Variants in LARGE1 observed in about 807,000 individuals in gnomAD.
The protein encoded by LARGE1 is xylosyl- and glucuronyltransferase LARGE1.
Under a neutral mutation model 87.6 loss-of-function variants are expected in LARGE1, and 43 were observed. That is an observed-to-expected ratio of 0.49 (90% CI 0.38 to 0.63). LARGE1 has a LOEUF of 0.63. LARGE1 is among the 30% of genes least tolerant of loss of function. The probability of loss-of-function intolerance (pLI) is 0.00; values close to 1 mark genes in which losing one functional copy is unlikely to be tolerated. For synonymous variants in LARGE1, 434 were observed against 394.6 expected, an observed-to-expected ratio of 1.10 and a Z score of -1.18; for missense variants, 802 against 1,000.2, an observed-to-expected ratio of 0.80 and a Z score of 2.67.
intron 11 of LARGE1, among the ~76,000 whole-genome samples, chr22:33,230,170 C>T (rs1450262346): frequency 6.6e-6 from 1 of 151,866 alleles, no homozygotes. Flanking sequence ...CACCACCACG[C>T]CCAGCTAATT....
intron 5 of LARGE1, among the ~76,000 whole-genome samples, chr22:33,593,125 C>G (rs1219239458): frequency 6.6e-6 from 1 of 152,078 alleles, no homozygotes; most frequent in Non-Finnish European, 1.5e-5. Flanking sequence ...AGGCGTGAGC[C>G]ACAGCGCCCA....
At chr22:33,823,369 T>C (rs1012263475) in intron 1 of LARGE1, among the ~76,000 whole-genome samples, 1 of 152,234 alleles carries the variant, frequency 6.6e-6, no homozygotes, top group Non-Finnish European at 1.5e-5. Context: ...AGAAGCCTTA[T>C]GTTTTCATCC....
intron 12 of LARGE1, among the ~76,000 whole-genome samples, chr22:33,286,721 T>G (rs779670449): frequency 4.6e-5 from 7 of 152,160 alleles, no homozygotes; most frequent in Admixed American, 2.0e-4. Context: ...GGGCAAGATA[T>G]AAAGACACAT....
intron 7 of LARGE1, among the ~76,000 whole-genome samples, chr22:33,406,296 C>T (rs2066096879): frequency 6.6e-6 from 1 of 152,132 alleles, no homozygotes; most frequent in Non-Finnish European, 1.5e-5. Flanking sequence ...GCAGGTCTTC[C>T]CTTCCCCATT....
At chr22:33,656,406 C>T (rs2080962071) in intron 2 of LARGE1, among the ~76,000 whole-genome samples, 1 of 152,138 alleles carries the variant, frequency 6.6e-6, no homozygotes, top group Non-Finnish European at 1.5e-5. Context: ...CCCCATGATT[C>T]AATTATCTCC....
intron 1 of LARGE1, among the ~76,000 whole-genome samples, chr22:33,885,797 G>A (rs1427803878): frequency 1.3e-5 from 2 of 152,028 alleles, no homozygotes; most frequent in African/African-American, 2.4e-5. Context: ...TTGGGAGGCC[G>A]AGGCAGGTGG....
intron 1 of LARGE1, among the ~76,000 whole-genome samples, chr22:33,850,678 T>A (rs1020202139): frequency 6.6e-6 from 1 of 152,218 alleles, no homozygotes; most frequent in Non-Finnish European, 1.5e-5. Context: ...TTTGGAAGGA[T>A]AATCTGGCTA....
chr22:33,862,114 C>A (rs947182686), intron 1 of LARGE1, among the ~76,000 whole-genome samples: 2 of 151,916 alleles, frequency 1.3e-5, no homozygotes, highest in African/African-American at 4.8e-5. Context: ...ACCTGCCTCA[C>A]CTTCCCAAAG....
At chr22:33,626,435 A>C in intron 3 of LARGE1, 109 bp from the exon 4 acceptor site, 1 of 824,502 alleles carries the variant, frequency 1.2e-6, no homozygotes, top group South Asian at 1.4e-5. Context: ...TGTTGGCATC[A>C]TTAGAAAACA....
intron 6 of LARGE1, among the ~76,000 whole-genome samples, chr22:33,561,574 CCAAA>C (rs1289942186): frequency 2.0e-5 from 3 of 152,192 alleles, no homozygotes; most frequent in Non-Finnish European, 2.9e-5. Context: ...TACGGGCTCA[CCAAA>C]CAGTCTTATT....
intron 1 of LARGE1, chr22:33,889,341 C>T (rs1242818052): frequency 6.6e-6 from 1 of 152,234 alleles, no homozygotes; most frequent in African/African-American, 2.4e-5. Context: ...CTTCTGCACA[C>T]CGGCAGCATT....
intron 11 of LARGE1, among the ~76,000 whole-genome samples, chr22:33,167,433 G>T (rs541667070): frequency 2.0e-5 from 3 of 152,178 alleles, no homozygotes; most frequent in African/African-American, 7.2e-5. Context: ...TGCATATTTT[G>T]GCCACTGTTA....
In LARGE1 at chr22:33,340,940, T is replaced by A. The variant is rs371511531; in HGVS notation, c.1132-3139A>T. Among the ~76,000 whole-genome samples, 3 of 151,826 alleles carry A rather than the reference T, an allele frequency of 2.0e-5. 1 individual carries two copies. Among genetic ancestry groups the A allele is most frequent in the African/African-American group, 7.3e-5 (3 of 41,100 alleles). On this transcript the variant is annotated intron_variant, in intron 9 of 14. Coordinates refer to ENST00000397394, the MANE Select transcript of LARGE1 (RefSeq NM_133642.5). ...CAAGCTTTTAAAACATTCTGTTTCA[T>A]GCTTTGTCTGATTATAGAGGAAATG... is the stretch of plus-strand genomic sequence containing the variant.
At chr22:33,704,580 C>T (rs541862035) in intron 2 of LARGE1, among the ~76,000 whole-genome samples, 7 of 152,136 alleles carry the variant, frequency 4.6e-5, no homozygotes, top group Admixed American at 3.9e-4. Context: ...TTGCAAGGCA[C>T]GACACTCATC....
At chr22:33,127,024 A>C in the LARGE1 span, among the ~76,000 whole-genome samples, 1 of 151,978 alleles carries the variant, frequency 6.6e-6, no homozygotes, top group Non-Finnish European at 1.5e-5. Flanking sequence ...TGGGATCTTC[A>C]GTGTTCTTCA....
intron 11 of LARGE1, among the ~76,000 whole-genome samples, chr22:33,179,592 T>C (rs1923056817): frequency 6.6e-6 from 1 of 152,200 alleles, no homozygotes; most frequent in African/African-American, 2.4e-5. Context: ...GAAGTTACAT[T>C]GTGGCATCCT....
At chr22:33,810,819 G>A (rs2086470547) in intron 1 of LARGE1, among the ~76,000 whole-genome samples, 1 of 151,978 alleles carries the variant, frequency 6.6e-6, no homozygotes, top group African/African-American at 2.4e-5. Context: ...CGCCTCCCGG[G>A]TTCAAGCAAT....
intron 9 of LARGE1, among the ~76,000 whole-genome samples, chr22:33,372,663 G>A (rs1167032740): frequency 1.3e-5 from 2 of 152,160 alleles, no homozygotes; most frequent in African/African-American, 4.8e-5. Context: ...CACAACATGT[G>A]TTAATTGTGG....
chr22:33,764,430 T>G (rs905144152), intron 1 of LARGE1, among the ~76,000 whole-genome samples: 1 of 152,022 alleles, frequency 6.6e-6, no homozygotes, highest in South Asian at 2.1e-4. Context: ...CCTATATACT[T>G]TACTCAAAAT....
Sources: allele counts gnomAD v4.1 joint callset (sites outside exome capture counted in the v4.1 genomes callset), GRCh38; gene constraint gnomAD v4.1.1; transcripts MANE v1.5; gene names NCBI Gene and HGNC (gene_info 2026-07-23, HGNC 2026-07-21).